The following MOB3B variants were observed in gnomAD, a reference collection of about 807,000 sequenced individuals.
MOB3B encodes MOB kinase activator-like 2B.
MOB3B carries 7 observed loss-of-function variants against 18.7 expected under a neutral mutation model. The observed-to-expected ratio is 0.37, with a 90% CI of 0.21 to 0.70. MOB3B has a LOEUF of 0.70. MOB3B is among the 30% of genes least tolerant of loss of function. The pLI is 0.52. For missense variants in MOB3B, 253 were observed against 281.3 expected (o/e 0.90, Z 0.72); for synonymous variants, 111 against 99.9 (o/e 1.11, Z -0.66).
At chr9:27,482,864 T>A (rs1819681637) in intron 1 of MOB3B, among the ~76,000 whole-genome samples, 1 of 152,216 alleles carries the variant, frequency 6.6e-6, no homozygotes, top group African/African-American at 2.4e-5. Context: ...GAAAATGGGT[T>A]GGCCTGATAA....
intron 2 of MOB3B, among the ~76,000 whole-genome samples, chr9:27,393,353 T>C (rs1275718269): frequency 6.6e-6 from 1 of 151,412 alleles, no homozygotes; most frequent in Non-Finnish European, 1.5e-5. Flanking sequence ...TGCATGATTA[T>C]TTATATAGGG....
At chr9:27,360,456 G>A (rs1195250640) in intron 2 of MOB3B, among the ~76,000 whole-genome samples, 1 of 152,244 alleles carries the variant, frequency 6.6e-6, no homozygotes, top group Admixed American at 6.5e-5. Context: ...AGTGAGCCAA[G>A]ATTGCGCCAC....
chr9:27,374,861 C>G (rs1821469891), intron 2 of MOB3B, among the ~76,000 whole-genome samples: 1 of 152,210 alleles, frequency 6.6e-6, no homozygotes, highest in African/African-American at 2.4e-5. Flanking sequence ...ATCTGAGGAG[C>G]CCCATTCATT....
At chr9:27,517,064 G>A (rs542620903) in intron 1 of MOB3B, among the ~76,000 whole-genome samples, 6 of 151,932 alleles carry the variant, frequency 3.9e-5, no homozygotes, top group East Asian at 3.9e-4. Flanking sequence ...TCTCACCCCC[G>A]CCTCCCATTC....
intron 3 of MOB3B, among the ~76,000 whole-genome samples, chr9:27,339,749 G>A (rs1424276886): frequency 3.3e-5 from 5 of 152,218 alleles, no homozygotes; most frequent in African/African-American, 7.2e-5. Flanking sequence ...CCATCGTGCT[G>A]AATATATCTT....
At chr9:27,431,026 G>T (rs78839741) in intron 2 of MOB3B, among the ~76,000 whole-genome samples, 2 of 152,030 alleles carry the variant, frequency 1.3e-5, no homozygotes, top group African/African-American at 4.8e-5. Flanking sequence ...TTTTAAAACA[G>T]GTTCCTCCAC....
At chr9:27,358,971 G>A (rs927470566) in intron 3 of MOB3B, 63 bp downstream of exon 3, 21 of 1,508,042 alleles carry the variant, frequency 1.4e-5, no homozygotes, top group African/African-American at 6.9e-5. Context: ...TTGACAATGC[G>A]CTCTGACAAA....
intron 1 of MOB3B, among the ~76,000 whole-genome samples, chr9:27,472,366 A>G (rs1819485373): frequency 6.6e-6 from 1 of 152,086 alleles, no homozygotes; most frequent in Non-Finnish European, 1.5e-5. Flanking sequence ...AAGCCATGGA[A>G]AACAACATCT....
chr9:27,399,772 A>T (rs1888383), intron 2 of MOB3B, among the ~76,000 whole-genome samples: 16,061 of 152,214 alleles, frequency 0.11, 974 homozygotes, highest in Admixed American at 0.17. Flanking sequence ...TCTATCTTGA[A>T]AATGTATTAG....
chr9:27,452,326 A>G (rs1191711361), intron 2 of MOB3B, among the ~76,000 whole-genome samples: 1 of 152,214 alleles, frequency 6.6e-6, no homozygotes, highest in Non-Finnish European at 1.5e-5. Context: ...ATTCTAATGG[A>G]TGAAAGCCTT....
chr9:27,345,114 C>G (rs1821012911), intron 3 of MOB3B, among the ~76,000 whole-genome samples: 1 of 152,174 alleles, frequency 6.6e-6, no homozygotes, highest in South Asian at 2.1e-4. Context: ...CAATAAATGA[C>G]CACTGTCTTG....
At chr9:27,438,857 G>T (rs1259607087) in intron 2 of MOB3B, among the ~76,000 whole-genome samples, 2 of 152,036 alleles carry the variant, frequency 1.3e-5, no homozygotes, top group Non-Finnish European at 2.9e-5. Context: ...CTCCTTGAGG[G>T]GTGACTGAGA....
At chr9:27,385,006 G>T (rs1821630639) in intron 2 of MOB3B, among the ~76,000 whole-genome samples, 1 of 152,130 alleles carries the variant, frequency 6.6e-6, no homozygotes. Context: ...GAACATTTGG[G>T]GACAACTAAG....
chr9:27,456,651 C>T (rs1822875080), intron 1 of MOB3B, among the ~76,000 whole-genome samples: 1 of 152,176 alleles, frequency 6.6e-6, no homozygotes, highest in Admixed American at 6.5e-5. Flanking sequence ...GTATTTGTCA[C>T]CTTCCAATGT....
intron 2 of MOB3B, among the ~76,000 whole-genome samples, chr9:27,422,573 C>T (rs765847885): frequency 1.3e-5 from 2 of 152,148 alleles, no homozygotes; most frequent in Non-Finnish European, 2.9e-5. Flanking sequence ...CATGCATTGG[C>T]AATATGTAGT....
intron 1 of MOB3B, among the ~76,000 whole-genome samples, chr9:27,513,596 C>T (rs749648393): frequency 5.3e-5 from 8 of 152,222 alleles, no homozygotes; most frequent in East Asian, 3.9e-4. Flanking sequence ...TTAAATATCC[C>T]GAGCTCTTCC....
At chr9:27,456,755 G>A (rs1014734776) in intron 1 of MOB3B, among the ~76,000 whole-genome samples, 9 of 152,164 alleles carry the variant, frequency 5.9e-5, no homozygotes, top group Non-Finnish European at 8.8e-5. Flanking sequence ...ATGCAAATGT[G>A]TTATATCTAT....
chr9:27,371,794 T>G (rs955814528), intron 2 of MOB3B, among the ~76,000 whole-genome samples: 2 of 151,990 alleles, frequency 1.3e-5, no homozygotes, highest in African/African-American at 4.8e-5. Context: ...AATATAGATC[T>G]AGGACTGCCA....
intron 2 of MOB3B, among the ~76,000 whole-genome samples, chr9:27,368,993 G>A (rs973553663): frequency 2.6e-5 from 4 of 152,166 alleles, no homozygotes; most frequent in East Asian, 3.8e-4. Flanking sequence ...AAGATAACCC[G>A]TGAAAGATAT....
Sources: gnomAD v4.1 joint callset for allele counts (sites outside exome capture counted in the v4.1 genomes callset) on GRCh38, gnomAD v4.1.1 for gene constraint, MANE v1.5 for transcripts, NCBI Gene and HGNC (gene_info 2026-07-23, HGNC 2026-07-21) for gene names.